SYNE1: variants seen among roughly 807,000 people sequenced by gnomAD.
SYNE1 encodes the protein spectrin repeat containing nuclear envelope protein 1, also known as nesprin-1.
In SYNE1, 616 loss-of-function variants were observed where a neutral mutation model predicts 1,111.0. The observed-to-expected ratio is 0.55, with a 90% CI of 0.52 to 0.59. The LOEUF is 0.59. Among genes scored for constraint, SYNE1 ranks in the 20% least tolerant of loss-of-function variants. The probability of loss-of-function intolerance (pLI) is 0.00; values close to 1 mark genes in which losing one functional copy is unlikely to be tolerated. For missense variants in SYNE1, 10,006 were observed against 10,417.0 expected (o/e 0.96, Z 1.72); for synonymous variants, 3,855 against 3,825.8 (o/e 1.01, Z -0.28).
chr6:152,627,081 T>C (rs2099687222), intron 3 of SYNE1, among the ~76,000 whole-genome samples: 1 of 152,176 alleles, frequency 6.6e-6, no homozygotes, highest in African/African-American at 2.4e-5. Context: ...TAGCAAAGAC[T>C]AGCACAAAAC....
At chr6:152,612,369 C>T (rs2099633790) in intron 3 of SYNE1, among the ~76,000 whole-genome samples, 1 of 152,136 alleles carries the variant, frequency 6.6e-6, no homozygotes, top group Admixed American at 6.5e-5. Flanking sequence ...CTATAAACAC[C>T]TCTATGCAAA....
chr6:152,139,169 T>C (rs1741434421), intron 140 of SYNE1, among the ~76,000 whole-genome samples: 1 of 152,208 alleles, frequency 6.6e-6, no homozygotes, highest in Admixed American at 6.5e-5. Flanking sequence ...CCTGGATGCT[T>C]CATGAAATTT....
At position 152,394,770 on chromosome 6, in the gene SYNE1, CT is replaced by C. The variant is rs796447831; in HGVS notation, c.7712+745del. ...TATGGAAATTGACATATACAGTACT[CT>C]TTTTTTTTTCTTTTTCCTTTTTTTT... is the stretch of plus-strand genomic sequence containing the variant. On this transcript the variant is annotated intron_variant, in intron 51 of 145. Coordinates refer to ENST00000367255, the MANE Select transcript of SYNE1 (RefSeq NM_182961.4). 6.2e-3 allele frequency among the ~76,000 whole-genome samples: 882 copies of C among 142,876 alleles called. 6 individuals carry two copies. Among genetic ancestry groups the C allele is most frequent in the African/African-American group, 0.019 (725 of 38,892 alleles). The allele number at this position is 142,876 out of a possible 152,430, so 93.7% of individuals were successfully genotyped here. A position where few individuals can be genotyped will look rare whatever the true frequency, so the allele number is the denominator to read the frequency against.
At chr6:152,256,291 G>A (rs2090822427) in intron 102 of SYNE1, among the ~76,000 whole-genome samples, 1 of 151,752 alleles carries the variant, frequency 6.6e-6, no homozygotes, top group African/African-American at 2.4e-5. Context: ...TCAGCCAGGT[G>A]TGGTGGCACA....
intron 128 of SYNE1, 122 bp from the exon 129 acceptor site, chr6:152,180,416 TG>T: frequency 2.1e-6 from 2 of 975,120 alleles, no homozygotes; most frequent in Non-Finnish European, 3.1e-6. Context: ...TTTAGCCCAC[TG>T]TTTCCTGAAG....
intron 133 of SYNE1, among the ~76,000 whole-genome samples, chr6:152,152,385 C>A (rs2060590198): frequency 6.6e-6 from 1 of 152,122 alleles, no homozygotes; most frequent in Non-Finnish European, 1.5e-5. Flanking sequence ...AATAAACACA[C>A]ACGCATCCAA....
chr6:152,321,216 T>A (rs747138744), intron 84 of SYNE1, 22 bp downstream of exon 84: 4 of 1,612,920 alleles, frequency 2.5e-6, no homozygotes, highest in Non-Finnish European at 3.4e-6. Context: ...GGAAAGACAC[T>A]CTTTCTTGAT....
chr6:152,601,584 G>T (rs2099596238), intron 3 of SYNE1, among the ~76,000 whole-genome samples: 1 of 152,142 alleles, frequency 6.6e-6, no homozygotes, highest in African/African-American at 2.4e-5. Context: ...CTGCTATCCT[G>T]CTGAACAGGT....
chr6:152,626,120 T>C (rs1279990604), intron 3 of SYNE1, among the ~76,000 whole-genome samples: 1 of 152,180 alleles, frequency 6.6e-6, no homozygotes, highest in African/African-American at 2.4e-5. Context: ...CATTAAATCA[T>C]CCATACTCTT....
At chr6:152,143,006 G>C (rs1338610184) in intron 138 of SYNE1, among the ~76,000 whole-genome samples, 1 of 152,138 alleles carries the variant, frequency 6.6e-6, no homozygotes, top group Non-Finnish European at 1.5e-5. Context: ...TAGTTCTCTA[G>C]GGAAAATTAA....
Position 152,514,526 on chromosome 6 carries a change from G to C in SYNE1, c.310-3423C>G, listed in dbSNP as rs111799294. Among the ~76,000 whole-genome samples, 1,117 of 152,132 alleles carry C rather than the reference G, an allele frequency of 7.3e-3. 15 individuals are homozygous for C. Among genetic ancestry groups the C allele is most frequent in the African/African-American group, 0.026 (1,063 of 41,480 alleles). On this transcript the variant is annotated intron_variant, in intron 6 of 145. Coordinates refer to ENST00000367255, the MANE Select transcript of SYNE1 (RefSeq NM_182961.4). The stretch of plus-strand genomic sequence containing the variant: ...ATAGCATTAGGAAATACCTAATGTA[G>C]ATGATGGGTTGGTGGGTGCAGCAAA...
chr6:152,144,500 G>A, intron 137 of SYNE1: 1 of 153,208 alleles, frequency 6.5e-6, no homozygotes, highest in Non-Finnish European at 1.5e-5. Flanking sequence ...GTGTGTGTGT[G>A]TGTGTGTCAA....
At chr6:152,499,923 G>C (rs2099020049) in intron 10 of SYNE1, among the ~76,000 whole-genome samples, 4 of 152,088 alleles carry the variant, frequency 2.6e-5, no homozygotes, top group Admixed American at 2.6e-4. Flanking sequence ...CTTTAGTAAA[G>C]TATATTAAAA....
At chr6:152,145,663 G>T (rs1300897026) in intron 137 of SYNE1, 3 of 951,440 alleles carry the variant, frequency 3.2e-6, no homozygotes, top group Non-Finnish European at 5.1e-6. Flanking sequence ...AGTTATTCTA[G>T]ACACATAGCT....
In SYNE1 at chr6:152,219,194, G is replaced by A. The variant is rs1461162817; in HGVS notation, c.21862-9C>T. On this transcript the variant is annotated splice_polypyrimidine_tract_variant and intron_variant, in intron 119 of 145. Transcript: ENST00000367255. ...AGTCCTTTGAGGAGGTCCTAGAAGA[G>A]GTGAAAATATGCCCACTCTGAAGCA... 2 of 1,612,974 alleles carry A rather than the reference G, an allele frequency of 1.2e-6. No homozygotes were observed. The highest frequency in any genetic ancestry group is 2.7e-5 in the African/African-American group (2 of 74,866).
chr6:152,324,654 C>G (rs1030347145), intron 81 of SYNE1, among the ~76,000 whole-genome samples: 1 of 151,424 alleles, frequency 6.6e-6, no homozygotes, highest in Non-Finnish European at 1.5e-5. Flanking sequence ...ATTGGCCAGG[C>G]GTGGTGGCGG....
intron 6 of SYNE1, among the ~76,000 whole-genome samples, chr6:152,518,607 C>A (rs894349573): frequency 2.0e-5 from 3 of 152,036 alleles, no homozygotes; most frequent in Non-Finnish European, 4.4e-5. Flanking sequence ...TTATAAATTA[C>A]TCAGTCTTGG....
chr6:152,364,923 G>A lies in SYNE1; in HGVS notation c.10069C>T (p.Pro3357Ser). Residue 3357 changes from proline to serine, a missense_variant, in exon 63 of 146, where the codon CCC becomes TCC. Physicochemically the swap from Pro to Ser is moderately conservative, Grantham distance 74. Around this residue, in one of 7 missense-constraint regions of SYNE1, gnomAD observed 4,955 missense variants for 5,017.2 expected, o/e 0.99. Transcript: ENST00000367255. ...CTCTGCAGCTGCTGCTGAATAGTGG[G>A]AATGCCTTCTGGAGAAGTATTCTGA... ...VLQNTSPEGI[P>S]TIQQQLQSVK... 6.2e-7 allele frequency: 1 copy of A among 1,614,220 alleles called. No individual in the cohort carries two copies. Among genetic ancestry groups the A allele is most frequent in the African/African-American group, 1.3e-5 (1 of 75,060 alleles).
intron 45 of SYNE1, chr6:152,404,716 T>A (rs2097869460): frequency 4.8e-6 from 1 of 207,072 alleles, no homozygotes; most frequent in South Asian, 8.7e-5. Context: ...CAAGTACACA[T>A]CAGGAGTGCC....
Sources: allele counts gnomAD v4.1 joint callset (sites outside exome capture counted in the v4.1 genomes callset), GRCh38; gene constraint gnomAD v4.1.1; regional missense constraint gnomAD v4.1.1; transcripts MANE v1.5; gene names NCBI Gene and HGNC (gene_info 2026-07-23, HGNC 2026-07-21).